The following STAT5B variants were observed in gnomAD, a reference collection of about 807,000 sequenced individuals.
STAT5B encodes the protein signal transducer and activator of transcription 5B.
A neutral mutation model predicts 107.8 loss-of-function variants in STAT5B; 21 were observed. The ratio of observed to expected loss-of-function variants is 0.19; its 90% CI spans 0.14 to 0.28. STAT5B has a LOEUF of 0.28. STAT5B is among the 10% of genes least tolerant of loss of function. The pLI is 1.00. For missense variants in STAT5B, 565 were observed against 1,008.2 expected, an observed-to-expected ratio of 0.56 and a Z score of 5.95; for synonymous variants, 325 against 401.7, an observed-to-expected ratio of 0.81 and a Z score of 2.28.
At chr17:42,239,558 G>A (rs887253459) in intron 1 of STAT5B, among the ~76,000 whole-genome samples, 1 of 152,060 alleles carries the variant, frequency 6.6e-6, no homozygotes, top group Non-Finnish European at 1.5e-5. Flanking sequence ...CCAGATTTAA[G>A]AGCTAGCTAA....
At chr17:42,239,375 C>T (rs1227775860) in intron 1 of STAT5B, among the ~76,000 whole-genome samples, 1 of 151,644 alleles carries the variant, frequency 6.6e-6, no homozygotes, top group Non-Finnish European at 1.5e-5. Flanking sequence ...ACATATCTGA[C>T]TTTTAATAAT....
At chr17:42,216,462 T>C (rs2080173130) in intron 11 of STAT5B, among the ~76,000 whole-genome samples, 1 of 152,214 alleles carries the variant, frequency 6.6e-6, no homozygotes, top group African/African-American at 2.4e-5. Context: ...TCCCAAGTAA[T>C]GTTTCTCATA....
At chr17:42,217,792 C>G in intron 9 of STAT5B, 1 of 441,140 alleles carries the variant, frequency 2.3e-6, no homozygotes, top group South Asian at 2.1e-5. Flanking sequence ...GCAATCTCTG[C>G]CTCCCAGGTT....
At chr17:42,208,038 GCA>G (rs1176439069) in intron 15 of STAT5B, among the ~76,000 whole-genome samples, 1 of 152,152 alleles carries the variant, frequency 6.6e-6, no homozygotes, top group African/African-American at 2.4e-5. Context: ...GGGATTACAG[GCA>G]CGCGCCACCA....
At chr17:42,217,679 C>T (rs773811678) in intron 9 of STAT5B, 9 of 609,936 alleles carry the variant, frequency 1.5e-5, no homozygotes, top group Middle Eastern at 9.0e-4. Flanking sequence ...GAAAACAGTT[C>T]CTAAGAGAAC....
chr17:42,240,468 T>C (rs766228932), intron 1 of STAT5B, among the ~76,000 whole-genome samples: 46 of 152,186 alleles, frequency 3.0e-4, no homozygotes, highest in Non-Finnish European at 6.2e-4. Flanking sequence ...AAATAGATTG[T>C]TGGTTGCCAA....
intron 2 of STAT5B, among the ~76,000 whole-genome samples, 192 bp downstream of exon 2, chr17:42,231,808 C>A (rs951500850): frequency 6.6e-6 from 1 of 151,974 alleles, no homozygotes; most frequent in Non-Finnish European, 1.5e-5. Context: ...TTATTCCATC[C>A]CCTCAATCTA....
chr17:42,238,452 T>C (rs1244521051), intron 1 of STAT5B, among the ~76,000 whole-genome samples: 11 of 112,394 alleles, frequency 9.8e-5, no homozygotes, highest in Admixed American at 7.7e-4. Context: ...GTGCCTGGCC[T>C]TTTTTTTTTT....
At chr17:42,259,498 A>C (rs555550730) in intron 1 of STAT5B, among the ~76,000 whole-genome samples, 1 of 152,108 alleles carries the variant, frequency 6.6e-6, no homozygotes, top group African/African-American at 2.4e-5. Context: ...GGTAAGAGAC[A>C]CTTTTGTGCT....
intron 1 of STAT5B, among the ~76,000 whole-genome samples, chr17:42,249,165 G>C (rs144813207): frequency 6.8e-4 from 104 of 152,382 alleles, no homozygotes; most frequent in African/African-American, 2.4e-3. Flanking sequence ...GCCAAGGCCA[G>C]TGGATCACTT....
In STAT5B at chr17:42,212,246, T is replaced by C; in HGVS notation, c.1474-56A>G. 8 of 1,606,904 alleles carry C rather than the reference T, an allele frequency of 5.0e-6. No individual in the cohort carries two copies. In the East Asian group the frequency reaches 6.8e-5, roughly 14 times the overall value. On this transcript the variant is annotated intron_variant, in intron 12 of 18. Transcript: ENST00000293328. ...GAAAACAGTTGCATGATTTATTCCC[T>C]CAAGCCACAAAAGAAAAACGCTGAT...
rs112255369 is a variant in STAT5B, at chr17:42,213,530, T to C, written c.1474-1340A>G. On this transcript the variant is annotated intron_variant, in intron 12 of 18. Coordinates refer to ENST00000293328, the MANE Select transcript of STAT5B (RefSeq NM_012448.4). The stretch of plus-strand genomic sequence containing the variant: ...CCACAAGTCTTTATTATTTATTTTT[T>C]ATTTTTTATTTTTTTGAGACAGAGT... Among the ~76,000 whole-genome samples, 892 of 150,780 alleles carry C rather than the reference T, an allele frequency of 5.9e-3. 15 individuals carry two copies. The highest frequency in any genetic ancestry group is 0.02 in the African/African-American group (822 of 40,922).
chr17:42,218,617 T>C lies in STAT5B; in HGVS notation c.989+106A>G, dbSNP rs1451565395. Reference sequence around the variant, plus strand: ...CAACTGGAGATGGAGTTGGGAGGGATGAGAGGCAGGAAGTGGATCTGCTGG... The same window carrying C: ...CAACTGGAGATGGAGTTGGGAGGGACGAGAGGCAGGAAGTGGATCTGCTGG... On this transcript the variant is annotated intron_variant, in intron 8 of 18. Coordinates refer to ENST00000293328, the MANE Select transcript of STAT5B (RefSeq NM_012448.4). 5.7e-6 allele frequency: 9 copies of C among 1,589,614 alleles called. No individual in the cohort carries two copies. In the East Asian group the frequency reaches 2.1e-4, roughly 37 times the overall value.
chr17:42,247,325 G>A (rs572010217), intron 1 of STAT5B, among the ~76,000 whole-genome samples: 5 of 152,234 alleles, frequency 3.3e-5, no homozygotes, highest in African/African-American at 9.6e-5. Flanking sequence ...AGTTTGCCCC[G>A]TTTTCCAGGT....
In STAT5B at chr17:42,254,207, C is replaced by A. The variant is rs555906779; in HGVS notation, c.-11+22041G>T. The stretch of plus-strand genomic sequence containing the variant: ...CCTGGGCAACACAGCAAGACCTCAT[C>A]TCTACAAAATAAAAATTAAAAAATT... On this transcript the variant is annotated intron_variant, in intron 1 of 18. Transcript: ENST00000293328. 1.1e-4 allele frequency among the ~76,000 whole-genome samples: 16 copies of A among 152,186 alleles called. No homozygotes were observed. In the East Asian group the frequency reaches 2.7e-3, roughly 26 times the overall value.
intron 1 of STAT5B, among the ~76,000 whole-genome samples, chr17:42,260,919 T>C (rs1375907787): frequency 6.7e-6 from 1 of 149,700 alleles, no homozygotes; most frequent in Non-Finnish European, 1.5e-5. Flanking sequence ...TGTCTTACCT[T>C]TTTTTTTTTT....
At chr17:42,253,429 T>C (rs1047469562) in intron 1 of STAT5B, among the ~76,000 whole-genome samples, 13 of 152,138 alleles carry the variant, frequency 8.5e-5, no homozygotes, top group African/African-American at 2.9e-4. Context: ...AAGAGGGCCC[T>C]ATGACAAGAG....
rs940009494 is a variant in STAT5B at position 42,201,154 on chromosome 17, C to G, written c.*584G>C. 3 of 406,750 alleles carry G rather than the reference C, an allele frequency of 7.4e-6. No homozygotes were observed. Among genetic ancestry groups the G allele is most frequent in the African/African-American group, 2.1e-5 (1 of 48,698 alleles). The allele number at this position is 406,750 out of a possible 1,614,324, so 25.2% of individuals were successfully genotyped here. The stretch of plus-strand genomic sequence containing the variant: ...TTGCCCCAACAATCTTTGTAGGTTG[C>G]CCCTTTTCCCATTCCTACCCAAGAA... On this transcript the variant is annotated 3_prime_UTR_variant, in exon 19 of 19. Coordinates refer to ENST00000293328, the MANE Select transcript of STAT5B (RefSeq NM_012448.4).
At chr17:42,219,970 G>A in intron 5 of STAT5B, 128 bp from the exon 6 acceptor site, 1 of 1,477,512 alleles carries the variant, frequency 6.8e-7, no homozygotes. Context: ...GGCAAGTCGG[G>A]GTTCCTGACA....
Sources: allele counts gnomAD v4.1 joint callset (sites outside exome capture counted in the v4.1 genomes callset), GRCh38; gene constraint gnomAD v4.1.1; transcripts MANE v1.5; gene names NCBI Gene and HGNC (gene_info 2026-07-23, HGNC 2026-07-21).